The following MAP2K1 variants were observed in gnomAD, a reference collection of about 807,000 sequenced individuals.
MAP2K1 encodes dual specificity mitogen-activated protein kinase kinase 1.
A neutral mutation model predicts 46.3 loss-of-function variants in MAP2K1; 16 were observed. The ratio of observed to expected loss-of-function variants is 0.35; its 90% CI spans 0.23 to 0.52. The LOEUF (loss-of-function observed/expected upper bound fraction) is 0.52, where lower values mean the gene tolerates loss of function less well. Ranked by LOEUF, MAP2K1 falls within the 20% of genes least tolerant of loss-of-function variation. The pLI is 0.94. For synonymous variants in MAP2K1, 183 were observed against 185.6 expected, an observed-to-expected ratio of 0.99 and a Z score of 0.11; for missense variants, 263 against 497.1, an observed-to-expected ratio of 0.53 and a Z score of 4.48.
chr15:66,414,642 T>C (rs1398108264), intron 1 of MAP2K1, among the ~76,000 whole-genome samples: 1 of 152,164 alleles, frequency 6.6e-6, no homozygotes, highest in Non-Finnish European at 1.5e-5. Context: ...GCATGATTAA[T>C]TGAATCATTG....
intron 5 of MAP2K1, among the ~76,000 whole-genome samples, chr15:66,473,498 A>G (rs2140654204): frequency 6.6e-6 from 1 of 152,248 alleles, no homozygotes; most frequent in African/African-American, 2.4e-5. Context: ...GCAGTGAGCC[A>G]TGATCATATT....
intron 3 of MAP2K1, among the ~76,000 whole-genome samples, chr15:66,439,766 C>G (rs2093498458): frequency 6.9e-6 from 1 of 144,990 alleles, no homozygotes; most frequent in South Asian, 2.2e-4. Context: ...AACTCAGTCT[C>G]AAAAAAAAAA....
chr15:66,444,870 C>A (rs1891821053), intron 5 of MAP2K1, 163 bp downstream of exon 5: 1 of 648,920 alleles, frequency 1.5e-6, no homozygotes, highest in Non-Finnish European at 2.8e-6. Flanking sequence ...GAGGCAGCAA[C>A]TCCTACCCTC....
At chr15:66,402,683 T>G (rs576628861) in intron 1 of MAP2K1, among the ~76,000 whole-genome samples, 1 of 152,302 alleles carries the variant, frequency 6.6e-6, no homozygotes, top group South Asian at 2.1e-4. Flanking sequence ...AGTTTGTATT[T>G]TCCATCTCGA....
At chr15:66,396,963 G>A (rs1362626897) in intron 1 of MAP2K1, among the ~76,000 whole-genome samples, 2 of 147,632 alleles carry the variant, frequency 1.4e-5, no homozygotes, top group African/African-American at 2.5e-5. Flanking sequence ...GGGATTACAG[G>A]CATGAGCTAC....
intron 1 of MAP2K1, among the ~76,000 whole-genome samples, chr15:66,424,994 C>G (rs757128097): frequency 3.3e-5 from 5 of 151,892 alleles, no homozygotes; most frequent in Non-Finnish European, 5.9e-5. Context: ...CAGGGTTTCT[C>G]CATGTTCGTC....
chr15:66,390,659 G>A (rs941224132), intron 1 of MAP2K1, among the ~76,000 whole-genome samples: 1 of 152,162 alleles, frequency 6.6e-6, no homozygotes, highest in African/African-American at 2.4e-5. Flanking sequence ...GGTCTTAAGT[G>A]TTAGAATGAG....
intron 1 of MAP2K1, among the ~76,000 whole-genome samples, chr15:66,407,904 A>T (rs2093401775): frequency 6.6e-6 from 1 of 152,258 alleles, no homozygotes; most frequent in Non-Finnish European, 1.5e-5. Flanking sequence ...GCTATGTCAC[A>T]CAGTATGTTC....
At chr15:66,417,921 C>G (rs7174378) in intron 1 of MAP2K1, among the ~76,000 whole-genome samples, 19,789 of 152,118 alleles carry the variant, frequency 0.13, 1,666 homozygotes, top group East Asian at 0.4. Flanking sequence ...GGCTACTGAC[C>G]TTTTGCCTTG....
rs914639453 is a variant in MAP2K1, at chr15:66,408,407, A to G, written c.80+20980A>G. Among the ~76,000 whole-genome samples the G allele has an allele frequency of 9.2e-5, 14 of 152,364 alleles. 1 individual carries two copies. Among genetic ancestry groups the G allele is most frequent in the Admixed American group, 7.2e-4 (11 of 15,306 alleles). On this transcript the variant is annotated intron_variant, in intron 1 of 10. Transcript: ENST00000307102. ...AAAGGTGCCTTAGGAAACAACTGCC[A>G]CACAGTACATCCCAATATAGACTCC...
intron 3 of MAP2K1, among the ~76,000 whole-genome samples, chr15:66,440,818 T>A (rs2093501633): frequency 1.3e-5 from 2 of 152,190 alleles, no homozygotes. Flanking sequence ...ATTAGAAAGT[T>A]GTATGGTTAG....
chr15:66,457,829 A>G (rs1892208543), intron 5 of MAP2K1, among the ~76,000 whole-genome samples: 1 of 151,924 alleles, frequency 6.6e-6, no homozygotes, highest in South Asian at 2.1e-4. Context: ...CAGGCATGGT[A>G]GCAGACGCCT....
At chr15:66,387,622 C>T (rs545121310) in intron 1 of MAP2K1, among the ~76,000 whole-genome samples, 195 bp downstream of exon 1, 92 of 152,050 alleles carry the variant, frequency 6.1e-4, no homozygotes, top group African/African-American at 2.2e-3. Flanking sequence ...TAGCGGATCC[C>T]GCGGGTCTCC....
intron 3 of MAP2K1, among the ~76,000 whole-genome samples, chr15:66,439,376 A>T (rs1309578230): frequency 1.3e-5 from 2 of 152,204 alleles, no homozygotes; most frequent in Non-Finnish European, 2.9e-5. Flanking sequence ...TTACACCTGT[A>T]ATTCCAGCAC....
At chr15:66,479,870 T>C (rs2140664340) in intron 5 of MAP2K1, among the ~76,000 whole-genome samples, 1 of 152,154 alleles carries the variant, frequency 6.6e-6, no homozygotes, top group South Asian at 2.1e-4. Context: ...GGCACTGGGA[T>C]ATTAGAGGGT....
chr15:66,487,769 T>C (rs1426870071), intron 8 of MAP2K1, among the ~76,000 whole-genome samples: 2 of 152,096 alleles, frequency 1.3e-5, no homozygotes, highest in Admixed American at 6.6e-5. Flanking sequence ...GCAGAGCATG[T>C]TGCATTTGTA....
At chr15:66,449,003 CAAAAAAAAAAA>C (rs59398424) in intron 5 of MAP2K1, among the ~76,000 whole-genome samples, 9 of 47,952 alleles carry the variant, frequency 1.9e-4, no homozygotes, top group East Asian at 1.5e-3. Flanking sequence ...GACACTGTCT[CAAAAAAAAAAA>C]AAAAAAAAAA....
At chr15:66,422,645 G>A (rs75609136) in intron 1 of MAP2K1, among the ~76,000 whole-genome samples, 1,784 of 152,230 alleles carry the variant, frequency 0.012, 29 homozygotes, top group African/African-American at 0.041. Context: ...ATGACTTTAA[G>A]GTTGACTTTT....
intron 5 of MAP2K1, among the ~76,000 whole-genome samples, chr15:66,469,613 G>A (rs1165159616): frequency 2.1e-5 from 3 of 143,132 alleles, no homozygotes; most frequent in Non-Finnish European, 4.5e-5. Context: ...TGTCAACTGA[G>A]AAGAAGAAAA....
Sources: gnomAD v4.1 joint callset for allele counts (sites outside exome capture counted in the v4.1 genomes callset) on GRCh38, gnomAD v4.1.1 for gene constraint, MANE v1.5 for transcripts, NCBI Gene and HGNC (gene_info 2026-07-23, HGNC 2026-07-21) for gene names.